HACD2: variants seen among roughly 807,000 people sequenced by gnomAD.
The protein encoded by HACD2 is very-long-chain (3R)-3-hydroxyacyl-CoA dehydratase 2.
A neutral mutation model predicts 31.0 loss-of-function variants in HACD2; 15 were observed. The observed-to-expected ratio is 0.48, with a 90% CI of 0.32 to 0.75. HACD2 has a LOEUF of 0.75. HACD2 is among the 30% of genes least tolerant of loss of function. HACD2 has a pLI of 0.03. For missense variants in HACD2, 283 were observed against 313.0 expected, an observed-to-expected ratio of 0.90 and a Z score of 0.72; for synonymous variants, 115 against 122.2, an observed-to-expected ratio of 0.94 and a Z score of 0.39.
intron 3 of HACD2, among the ~76,000 whole-genome samples, chr3:123,553,922 T>C (rs149727440): frequency 5.9e-5 from 9 of 151,510 alleles, no homozygotes; most frequent in African/African-American, 1.7e-4. Context: ...CTGACACTAC[T>C]AGAGAATGAG....
intron 4 of HACD2, among the ~76,000 whole-genome samples, chr3:123,513,784 T>C (rs1038421066): frequency 6.6e-6 from 1 of 152,056 alleles, no homozygotes; most frequent in African/African-American, 2.4e-5. Context: ...AATACATTGT[T>C]TGGACGGTTC....
At position 123,502,667 on chromosome 3, in the gene HACD2, G is replaced by A. The variant is rs2055917818; in HGVS notation, c.396C>T (p.Asp132=). 1.2e-6 allele frequency: 2 copies of A among 1,603,566 alleles called. No homozygotes were observed. Among genetic ancestry groups the A allele is most frequent in the Non-Finnish European group, 1.7e-6 (2 of 1,174,774 alleles). ...ATGCAATAACAAACAGGAGGACACT[G>A]TCTTCACTCTGTACCTGAAGGAAGA... The part of the protein sequence containing the change: ...THSVKEVQSE[D]SVLLFVIAWT... Residue 132 remains aspartate (D), a synonymous_variant, in exon 5 of 7, where the codon GAC becomes GAT. Coordinates refer to ENST00000383657, the MANE Select transcript of HACD2 (RefSeq NM_198402.5).
At position 123,494,852 on chromosome 3, in the gene HACD2, A is replaced by G. The variant is rs1468503928; in HGVS notation, c.*36T>C. On this transcript the variant is annotated 3_prime_UTR_variant, in exon 7 of 7. Transcript: ENST00000383657. ...ATCTGCAGCATTTTTTGATCATTGAAAAGTTTGTTTTGGTGGGAGGTGCAG... is the reference window on the plus strand; with the variant it reads ...ATCTGCAGCATTTTTTGATCATTGAGAAGTTTGTTTTGGTGGGAGGTGCAG... The G allele has an allele frequency of 1.5e-6, 2 of 1,363,246 alleles. No individual in the cohort carries two copies. Among genetic ancestry groups the G allele is most frequent in the South Asian group, 2.6e-5 (2 of 77,572 alleles). The allele number at this position is 1,363,246 out of a possible 1,614,324, so 84.4% of individuals were successfully genotyped here.
At chr3:123,511,267 G>A (rs1206216214) in intron 4 of HACD2, among the ~76,000 whole-genome samples, 2 of 152,040 alleles carry the variant, frequency 1.3e-5, no homozygotes, top group African/African-American at 4.8e-5. Flanking sequence ...GTAAAGTGAG[G>A]TTTACAGAAT....
intron 3 of HACD2, among the ~76,000 whole-genome samples, chr3:123,564,049 A>T (rs148708070): frequency 5.6e-4 from 85 of 152,370 alleles, no homozygotes; most frequent in Admixed American, 1.8e-3. Flanking sequence ...GCCTGGCTAC[A>T]GGCATGCCGG....
chr3:123,571,091 G>A (rs1365559613), intron 2 of HACD2, among the ~76,000 whole-genome samples: 1 of 152,136 alleles, frequency 6.6e-6, no homozygotes. Context: ...TTTCACTACT[G>A]CGCTGAAATC....
chr3:123,569,805 T>C (rs372171319), intron 2 of HACD2, among the ~76,000 whole-genome samples: 4 of 151,742 alleles, frequency 2.6e-5, no homozygotes, highest in African/African-American at 7.3e-5. Flanking sequence ...TTGGCCAACA[T>C]GGTGAAACCC....
rs374451408 is a variant in HACD2 at position 123,502,542 on chromosome 3, T to G, written c.503+18A>C. On this transcript the variant is annotated intron_variant, in intron 5 of 6. Coordinates refer to ENST00000383657, the MANE Select transcript of HACD2 (RefSeq NM_198402.5). ...CAGATCATTTCAAAAGTGAGCCTTT[T>G]GAAATGTGCTTTTTTACCTGGCCCA... is the stretch of plus-strand genomic sequence containing the variant. 1.2e-6 allele frequency: 2 copies of G among 1,609,338 alleles called. No homozygotes were observed. The highest frequency in any genetic ancestry group is 1.7e-6 in the Non-Finnish European group (2 of 1,177,242).
chr3:123,511,838 T>G (rs1332073413), intron 4 of HACD2, among the ~76,000 whole-genome samples: 1 of 152,216 alleles, frequency 6.6e-6, no homozygotes, highest in African/African-American at 2.4e-5. Flanking sequence ...CCAAACCTCA[T>G]GTTGAAATCT....
chr3:123,500,525 G>C lies in HACD2; in HGVS notation c.672C>G (p.Ser224=). Residue 224 remains serine, a synonymous_variant, in exon 6 of 7, where the codon TCC becomes TCG. Coordinates refer to ENST00000383657, the MANE Select transcript of HACD2 (RefSeq NM_198402.5). ...TAACTGTTTACTTACTTGGAATGTA[G>C]GAGATCATTATTAGAATCAGGAATG... ...YYAFLILIMI[S]YIPIFPQLYF... 2.5e-6 allele frequency: 4 copies of C among 1,601,032 alleles called. No individual in the cohort carries two copies. The highest frequency in any genetic ancestry group is 3.4e-6 in the Non-Finnish European group (4 of 1,170,878).
chr3:123,573,496 A>G (rs933522837), intron 2 of HACD2, among the ~76,000 whole-genome samples: 2 of 152,224 alleles, frequency 1.3e-5, no homozygotes, highest in Non-Finnish European at 2.9e-5. Flanking sequence ...GAGAGGTTTC[A>G]TAGAGAACCT....
chr3:123,495,490 T>C (rs1363872122), intron 6 of HACD2, among the ~76,000 whole-genome samples: 1 of 151,994 alleles, frequency 6.6e-6, no homozygotes, highest in Non-Finnish European at 1.5e-5. Flanking sequence ...AGGTGATTCT[T>C]TGGGAAGAGC....
chr3:123,545,112 T>C (rs2056541993), intron 3 of HACD2, among the ~76,000 whole-genome samples: 1 of 150,096 alleles, frequency 6.7e-6, no homozygotes, highest in Admixed American at 6.7e-5. Context: ...GTTATTTACC[T>C]TCTTCTTTAG....
chr3:123,570,931 CACACACACACACAT>C (rs1210438430), intron 2 of HACD2, among the ~76,000 whole-genome samples: 4 of 151,712 alleles, frequency 2.6e-5, no homozygotes, highest in Admixed American at 2.6e-4. Context: ...CACACACACA[CACACACACACACAT>C]ACACACACAC....
intron 3 of HACD2, among the ~76,000 whole-genome samples, chr3:123,542,146 C>CAAAAAAAAAAAAAAAAA (rs11391480): frequency 7.3e-5 from 3 of 41,104 alleles, no homozygotes; most frequent in African/African-American, 3.4e-4. Flanking sequence ...GACTCCGTCT[C>CAAAAAAAAAAAAAAAAA]AAAAAAAAAA....
intron 2 of HACD2, among the ~76,000 whole-genome samples, chr3:123,581,298 T>C (rs2056964628): frequency 6.6e-6 from 1 of 152,212 alleles, no homozygotes; most frequent in Non-Finnish European, 1.5e-5. Flanking sequence ...ATTGATTTTG[T>C]GTGCCCAAAG....
At chr3:123,554,774 C>T (rs2056656647) in intron 3 of HACD2, among the ~76,000 whole-genome samples, 1 of 151,974 alleles carries the variant, frequency 6.6e-6, no homozygotes, top group Admixed American at 6.6e-5. Flanking sequence ...GCATATCAGG[C>T]AAATGGAAAC....
chr3:123,504,946 T>C (rs899321197), intron 4 of HACD2, among the ~76,000 whole-genome samples: 1 of 152,202 alleles, frequency 6.6e-6, no homozygotes. Flanking sequence ...TGTACACTCA[T>C]GTTTATAGCA....
intron 1 of HACD2, among the ~76,000 whole-genome samples, chr3:123,583,020 A>G (rs781332133): frequency 8.5e-5 from 13 of 152,244 alleles, no homozygotes; most frequent in Non-Finnish European, 1.8e-4. Context: ...TAATAAAACA[A>G]ATGGACCTTT....
Sources: allele counts gnomAD v4.1 joint callset (sites outside exome capture counted in the v4.1 genomes callset), GRCh38; gene constraint gnomAD v4.1.1; transcripts MANE v1.5; gene names NCBI Gene and HGNC (gene_info 2026-07-23, HGNC 2026-07-21).